The following TUBD1 variants were observed in gnomAD, a reference collection of about 807,000 sequenced individuals.
TUBD1 encodes tubulin delta 1.
A neutral mutation model predicts 51.2 loss-of-function variants in TUBD1; 38 were observed. The observed-to-expected ratio is 0.74, with a 90% CI of 0.57 to 0.97. TUBD1 has a LOEUF of 0.97. Ranked by LOEUF, TUBD1 falls within the 50% of genes least tolerant of loss-of-function variation. The pLI, the probability that TUBD1 is intolerant of heterozygous loss-of-function variation, is 0.00. For missense variants in TUBD1, 489 were observed against 538.4 expected (o/e 0.91, Z 0.91); for synonymous variants, 169 against 178.2 (o/e 0.95, Z 0.41).
At chr17:59,864,853 GT>G (rs2039627761) in intron 7 of TUBD1, among the ~76,000 whole-genome samples, 1 of 151,642 alleles carries the variant, frequency 6.6e-6, no homozygotes, top group Non-Finnish European at 1.5e-5. Context: ...AGATTGTTCG[GT>G]TTTCTTTTTT....
intron 1 of TUBD1, 21 bp from the exon 2 acceptor site, chr17:59,891,062 CT>C: frequency 7.8e-7 from 1 of 1,277,446 alleles, no homozygotes; most frequent in Non-Finnish European, 1.1e-6. Flanking sequence ...AAAAAATACG[CT>C]TTGAGAACCA....
At chr17:59,887,075 A>T (rs992569926) in intron 2 of TUBD1, among the ~76,000 whole-genome samples, 4 of 151,812 alleles carry the variant, frequency 2.6e-5, no homozygotes, top group African/African-American at 9.7e-5. Context: ...AATCCCAGCT[A>T]CTCCGGAGGC....
chr17:59,861,013 T>C (rs1300865462), intron 8 of TUBD1, among the ~76,000 whole-genome samples: 7 of 151,930 alleles, frequency 4.6e-5, no homozygotes, highest in Non-Finnish European at 8.8e-5. Context: ...TATATATACA[T>C]ATATAACACC....
intron 8 of TUBD1, among the ~76,000 whole-genome samples, chr17:59,862,885 C>T (rs910063198): frequency 4.6e-5 from 7 of 151,856 alleles, no homozygotes; most frequent in Non-Finnish European, 8.8e-5. Context: ...CTACCACGCC[C>T]GGCTAATTTT....
intron 6 of TUBD1, among the ~76,000 whole-genome samples, chr17:59,872,162 G>A (rs1050625104): frequency 2.0e-5 from 3 of 152,090 alleles, no homozygotes; most frequent in South Asian, 2.1e-4. Flanking sequence ...TACTACATCC[G>A]TGTTAGCCAG....
intron 1 of TUBD1, among the ~76,000 whole-genome samples, chr17:59,891,440 A>C (rs1438776830): frequency 6.6e-6 from 1 of 152,148 alleles, no homozygotes; most frequent in Non-Finnish European, 1.5e-5. Flanking sequence ...CGGCCCAAAA[A>C]GTCATTTTAA....
chr17:59,888,079 C>T (rs1195396112), intron 2 of TUBD1, among the ~76,000 whole-genome samples: 2 of 152,090 alleles, frequency 1.3e-5, no homozygotes. Flanking sequence ...GGACTACAGG[C>T]ACCCGCCACC....
intron 7 of TUBD1, among the ~76,000 whole-genome samples, chr17:59,865,884 G>A (rs1046513865): frequency 1.3e-5 from 2 of 152,046 alleles, no homozygotes; most frequent in African/African-American, 2.4e-5. Context: ...GCTGAGGTGG[G>A]CAGATCACCT....
chr17:59,885,140 T>TA (rs2040661474), intron 3 of TUBD1: 2 of 356,878 alleles, frequency 5.6e-6, no homozygotes, highest in South Asian at 4.6e-5. Context: ...GGTCCTATCC[T>TA]AGGACGCCAA....
At chr17:59,866,231 C>CTT (rs544961480) in intron 7 of TUBD1, among the ~76,000 whole-genome samples, 136 of 132,172 alleles carry the variant, frequency 1.0e-3, no homozygotes, top group African/African-American at 3.5e-3. Flanking sequence ...GAAAACAATT[C>CTT]TTTTTTTTTT....
intron 2 of TUBD1, among the ~76,000 whole-genome samples, chr17:59,889,453 G>C (rs1156379745): frequency 1.3e-5 from 2 of 151,218 alleles, no homozygotes; most frequent in Non-Finnish European, 2.9e-5. Flanking sequence ...GATCATTTGA[G>C]GTCAGGAGTT....
chr17:59,882,933 G>GTGT, intron 3 of TUBD1, among the ~76,000 whole-genome samples: 1 of 110,870 alleles, frequency 9.0e-6, no homozygotes, highest in Non-Finnish European at 2.1e-5. Context: ...CACAGGCACA[G>GTGT]GCCGCCACGC....
intron 6 of TUBD1, among the ~76,000 whole-genome samples, chr17:59,872,694 A>ATGTGTGTGTGTGTGTGTGTG (rs60720420): frequency 1.4e-5 from 2 of 142,640 alleles, no homozygotes; most frequent in African/African-American, 2.6e-5. Flanking sequence ...GAAAATGGGA[A>ATGTGTGTGTGTGTGTGTGTG]TGTGTGTGTG....
Position 59,890,836 on chromosome 17 carries a change from T to C in TUBD1, c.167A>G (p.Asn56Ser). Residue 56 changes from asparagine to serine, a missense_variant, in exon 2 of 9, where the codon AAT becomes AGT. Coordinates refer to ENST00000325752, the MANE Select transcript of TUBD1 (RefSeq NM_016261.4). ...CKERFFSEEE[N>S]GVPIARAVLV... The stretch of plus-strand genomic sequence containing the variant: ...GGACTGTGGGCCACACCTACCTCCA[T>C]TCTCCTCCTCACTGAAGAATCTTTC... 2 of 1,610,848 alleles carry C rather than the reference T, an allele frequency of 1.2e-6. No individual in the cohort carries two copies. The highest frequency in any genetic ancestry group is 1.1e-5 in the South Asian group (1 of 90,564).
intron 2 of TUBD1, among the ~76,000 whole-genome samples, chr17:59,887,504 G>C (rs1598576447): frequency 6.6e-6 from 1 of 152,280 alleles, no homozygotes; most frequent in East Asian, 1.9e-4. Flanking sequence ...ACAACATCCA[G>C]CTCAGAATTG....
intron 5 of TUBD1, among the ~76,000 whole-genome samples, chr17:59,874,945 C>T (rs1382987219): frequency 1.3e-5 from 2 of 151,866 alleles, no homozygotes; most frequent in Non-Finnish European, 2.9e-5. Flanking sequence ...AAAAAGCAAA[C>T]TACAATTTAG....
chr17:59,873,566 T>TA (rs547043385), intron 6 of TUBD1, among the ~76,000 whole-genome samples: 202 of 152,178 alleles, frequency 1.3e-3, no homozygotes, highest in African/African-American at 4.6e-3. Context: ...CTTGACCTTT[T>TA]AAAAAACTGA....
chr17:59,860,178 G>A lies in TUBD1; in HGVS notation c.*144C>T, dbSNP rs137918725. The A allele has an allele frequency of 3.2e-5, 19 of 594,852 alleles. No individual in the cohort carries two copies. The East Asian group carries it at 5.9e-4, about 18-fold the overall frequency. 36.8% of individuals were successfully genotyped at this position (594,852 alleles called of 1,614,324 possible). On this transcript the variant is annotated 3_prime_UTR_variant, in exon 9 of 9. Transcript: ENST00000325752. The stretch of plus-strand genomic sequence containing the variant: ...CTACAGGCACCCGCCACCGCGCCTG[G>A]CTAATTTTTTGTATTTTCTGGTAGA...
At chr17:59,878,535 A>G (rs1372041377) in intron 4 of TUBD1, 8 of 501,198 alleles carry the variant, frequency 1.6e-5, no homozygotes, top group Non-Finnish European at 2.5e-5. Context: ...CCCAGGCTGG[A>G]GTACAGTGGC....
Sources: gnomAD v4.1 joint callset for allele counts (sites outside exome capture counted in the v4.1 genomes callset) on GRCh38, gnomAD v4.1.1 for gene constraint, MANE v1.5 for transcripts, NCBI Gene and HGNC (gene_info 2026-07-23, HGNC 2026-07-21) for gene names.